CAMSAP1: variants seen among roughly 807,000 people sequenced by gnomAD.
CAMSAP1 encodes calmodulin-regulated spectrin-associated protein 1.
A neutral mutation model predicts 143.5 loss-of-function variants in CAMSAP1; 58 were observed. That is an observed-to-expected ratio of 0.40 (90% CI 0.33 to 0.50). The LOEUF (loss-of-function observed/expected upper bound fraction) is 0.50. Ranked by LOEUF, CAMSAP1 falls within the 20% of genes least tolerant of loss-of-function variation. The pLI is 0.45. For missense variants in CAMSAP1, 1,969 were observed against 2,115.7 expected (o/e 0.93, Z 1.36); for synonymous variants, 945 against 859.3 (o/e 1.10, Z -1.74).
At chr9:135,877,037 C>T (rs762290851) in intron 3 of CAMSAP1, among the ~76,000 whole-genome samples, 4 of 151,990 alleles carry the variant, frequency 2.6e-5, no homozygotes, top group Non-Finnish European at 5.9e-5. Context: ...AATATATCTG[C>T]ACACAAATGT....
At position 135,824,003 on chromosome 9, in the gene CAMSAP1, T is replaced by A. The variant is rs1430710835; in HGVS notation, c.1347A>T (p.Arg449=). 6 of 1,588,580 alleles carry A rather than the reference T, an allele frequency of 3.8e-6. No individual in the cohort carries two copies. The highest frequency in any genetic ancestry group is 5.1e-6 in the Non-Finnish European group (6 of 1,167,100). ...CTGCTCCTCGAGGCTGACCATCAAC[T>A]CGGGTCAAAGAATTCGATCGATGTC... ...DQRHRSNSLT[R]VDGQPRGAAI... is the part of the protein sequence containing the mutation. Residue 449 remains arginine (R), a synonymous_variant, in exon 10 of 17, where the codon CGA becomes CGT. Coordinates refer to ENST00000389532, the MANE Select transcript of CAMSAP1 (RefSeq NM_015447.4). The surrounding 1 kb of genome is among the most constrained non-coding windows in gnomAD (Gnocchi z 4.1).
In CAMSAP1 at chr9:135,824,227, A is replaced by G. The variant is rs1835591610; in HGVS notation, c.1316-193T>C. ...AACACACAGTTCAGAACTGTGAGAG[A>G]GCTTCAGCATGTGTGAGCCCTGCTT... On this transcript the variant is annotated intron_variant, in intron 9 of 16. Coordinates refer to ENST00000389532, the MANE Select transcript of CAMSAP1 (RefSeq NM_015447.4). This position sits in a 1 kb window ranked among gnomAD's most constrained non-coding sequence, Gnocchi z 4.1. Among the ~76,000 whole-genome samples, 1 of 152,180 alleles carries G rather than the reference A, an allele frequency of 6.6e-6. No homozygotes were observed. Among genetic ancestry groups the G allele is most frequent in the Non-Finnish European group, 1.5e-5 (1 of 68,048 alleles).
At chr9:135,881,503 A>C in intron 3 of CAMSAP1, 130 bp downstream of exon 3, 1 of 1,068,520 alleles carries the variant, frequency 9.4e-7, no homozygotes, top group Non-Finnish European at 1.4e-6. Flanking sequence ...ACATTTCTGG[A>C]CACAAAATAT....
intron 14 of CAMSAP1, among the ~76,000 whole-genome samples, chr9:135,816,702 A>C (rs994761801): frequency 2.6e-5 from 4 of 152,212 alleles, no homozygotes; most frequent in Non-Finnish European, 4.4e-5. Flanking sequence ...AGACGGGTGA[A>C]GAGACAAGAA....
chr9:135,812,744 G>A (rs931720407), intron 16 of CAMSAP1, among the ~76,000 whole-genome samples: 9 of 152,158 alleles, frequency 5.9e-5, no homozygotes, highest in Admixed American at 3.9e-4. Context: ...TGAGGTGGGC[G>A]AATCACTTGA....
chr9:135,875,430 C>T (rs542336768), intron 3 of CAMSAP1, among the ~76,000 whole-genome samples: 1 of 152,036 alleles, frequency 6.6e-6, no homozygotes, highest in South Asian at 2.1e-4. Context: ...AGGCTGGTCT[C>T]GAACTCCTGA....
chr9:135,896,586 A>T (rs1838462887), intron 1 of CAMSAP1, among the ~76,000 whole-genome samples: 1 of 152,236 alleles, frequency 6.6e-6, no homozygotes, highest in Non-Finnish European at 1.5e-5. Context: ...AATGCCCATG[A>T]AACATTCACT....
In CAMSAP1 at chr9:135,820,678, G is replaced by A. The variant is rs556002961; in HGVS notation, c.3822+161C>T. On this transcript the variant is annotated intron_variant, in intron 11 of 16. Transcript: ENST00000389532. The surrounding 1 kb of genome is among the most constrained non-coding windows in gnomAD (Gnocchi z 4.4). Reference sequence around the variant, plus strand: ...CTGCTTCTGGCCAAGTGGAGTCCTCGGGACAGAGACTCTGTGGCCCACAAA... The same window carrying A: ...CTGCTTCTGGCCAAGTGGAGTCCTCAGGACAGAGACTCTGTGGCCCACAAA... Among the ~76,000 whole-genome samples the A allele has an allele frequency of 1.3e-5, 2 of 152,278 alleles. No homozygotes were observed. The highest frequency in any genetic ancestry group is 1.9e-4 in the East Asian group (1 of 5,182).
At chr9:135,849,599 A>C (rs913797602) in intron 7 of CAMSAP1, among the ~76,000 whole-genome samples, 1 of 152,096 alleles carries the variant, frequency 6.6e-6, no homozygotes, top group Non-Finnish European at 1.5e-5. Flanking sequence ...TACCACATAC[A>C]TTGCAAGTAC....
intron 3 of CAMSAP1, among the ~76,000 whole-genome samples, chr9:135,877,557 C>T (rs77159713): frequency 0.02 from 3,039 of 151,026 alleles, 91 homozygotes; most frequent in African/African-American, 0.07. Context: ...TGTAATCCTA[C>T]CATTTTGGGA....
intron 14 of CAMSAP1, 29 bp downstream of exon 14, chr9:135,817,948 C>A: frequency 6.2e-7 from 1 of 1,602,240 alleles, no homozygotes; most frequent in African/African-American, 1.3e-5. Flanking sequence ...CCTCCAGCCC[C>A]GTGCCGGCGG....
In CAMSAP1 at chr9:135,850,214, A is replaced by G. The variant is rs1417521013; in HGVS notation, c.968T>C (p.Ile323Thr). Residue 323 changes from isoleucine to threonine, a missense_variant, in exon 7 of 17, where the codon ATT becomes ACT. This residue lies in a region of CAMSAP1 where 221 missense variants were observed against 298.2 expected (regional missense o/e 0.74). Coordinates refer to ENST00000389532, the MANE Select transcript of CAMSAP1 (RefSeq NM_015447.4). ...CTCGAACCACCAAAAAAGCTCCGCA[A>G]TAAAAACCATAACATTCGGCTAAAA... ...LVLKPNVMVFIAELFWWFENV... is the reference protein window; with the variant it reads ...LVLKPNVMVFTAELFWWFENV... 2 of 1,613,296 alleles carry G rather than the reference A, an allele frequency of 1.2e-6. No individual in the cohort carries two copies. Among genetic ancestry groups the G allele is most frequent in the Non-Finnish European group, 1.7e-6 (2 of 1,179,618 alleles).
intron 4 of CAMSAP1, among the ~76,000 whole-genome samples, chr9:135,864,906 T>C (rs538048693): frequency 3.6e-4 from 55 of 152,236 alleles, no homozygotes; most frequent in Non-Finnish European, 6.8e-4. Context: ...GTCCACCAGG[T>C]GCATCACCCG....
chr9:135,893,382 GAAGGA>G lies in CAMSAP1; in HGVS notation c.161-10309_161-10305del, dbSNP rs1293259605. ...AGGAAAGGCAGGAAGAAAGAAAAGA[GAAGGA>G]AAGGAAAGGAGAAAGGAAAAAAAGA... is the stretch of plus-strand genomic sequence containing the variant. On this transcript the variant is annotated intron_variant, in intron 1 of 16. Coordinates refer to ENST00000389532, the MANE Select transcript of CAMSAP1 (RefSeq NM_015447.4). Among the ~76,000 whole-genome samples the G allele has an allele frequency of 5.3e-5, 8 of 150,446 alleles. No homozygotes were observed. In the East Asian group the frequency reaches 5.8e-4, roughly 11 times the overall value.
chr9:135,875,613 T>G (rs1489513316), intron 3 of CAMSAP1, among the ~76,000 whole-genome samples: 2 of 152,236 alleles, frequency 1.3e-5, no homozygotes, highest in Non-Finnish European at 2.9e-5. Context: ...TGGAACCGAA[T>G]AGAATCCAGA....
intron 1 of CAMSAP1, 136 bp from the exon 2 acceptor site, chr9:135,883,214 T>A (rs149358284): frequency 2.1e-5 from 19 of 895,644 alleles, no homozygotes; most frequent in Admixed American, 5.7e-5. Flanking sequence ...TCAAAAAAAA[T>A]AATTGATTGA....
Position 135,824,827 on chromosome 9 carries a change from T to C in CAMSAP1, c.1277A>G (p.Gln426Arg), listed in dbSNP as rs1835615741. The change falls in exon 9 of 17, where the codon CAG becomes CGG. Residue 426 changes from glutamine (Q) to arginine (R), a missense_variant. Physicochemically the swap from Gln to Arg is conservative, Grantham distance 43 (BLOSUM62 1). Transcript: ENST00000389532. The surrounding 1 kb of genome is among the most constrained non-coding windows in gnomAD (Gnocchi z 4.1). ...SPSHPLLPLR[Q>R]KQQKSIQGED... ...TCCCTGTATGGATTTCTGCTGTTTC[T>C]GTCTCAGTGGCAATAAAGGATGGGA... 1.2e-6 allele frequency: 2 copies of C among 1,604,106 alleles called. No homozygotes were observed. The highest frequency in any genetic ancestry group is 1.7e-6 in the Non-Finnish European group (2 of 1,175,430).
chr9:135,882,003 G>A lies in CAMSAP1; in HGVS notation c.424-209C>T, dbSNP rs1180568366. Among the ~76,000 whole-genome samples, 2 of 152,220 alleles carry A rather than the reference G, an allele frequency of 1.3e-5. No individual in the cohort carries two copies. The highest frequency in any genetic ancestry group is 1.5e-5 in the Non-Finnish European group (1 of 68,044). On this transcript the variant is annotated intron_variant, in intron 2 of 16. Transcript: ENST00000389532. The surrounding 1 kb of genome is among the most constrained non-coding windows in gnomAD (Gnocchi z 4.9). The stretch of plus-strand genomic sequence containing the variant: ...TTCTGGTCAAGCCTCAAGACCGTCT[G>A]GAACCAGGAGTCCGTTCTCAGGCAG...
At position 135,821,762 on chromosome 9, in the gene CAMSAP1, G is replaced by C; in HGVS notation, c.2899C>G (p.Leu967Val). 2 of 1,613,956 alleles carry C rather than the reference G, an allele frequency of 1.2e-6. No homozygotes were observed. Reference sequence around the variant, plus strand: ...TCCACATCCTGTGGCTCGTGAAGGAGCTCCTCTCTCTGCTCCTCCTTCACG... The same window carrying C: ...TCCACATCCTGTGGCTCGTGAAGGACCTCCTCTCTCTGCTCCTCCTTCACG... Reference protein sequence around the residue: ...FLVKEEQREELLHEPQDVDKE... With the variant: ...FLVKEEQREEVLHEPQDVDKE... Residue 967 changes from leucine to valine, a missense_variant, in exon 11 of 17, where the codon CTC becomes GTC. Transcript: ENST00000389532. The surrounding 1 kb of genome is among the most constrained non-coding windows in gnomAD (Gnocchi z 4.6).
Sources: allele counts gnomAD v4.1 joint callset (sites outside exome capture counted in the v4.1 genomes callset), GRCh38; gene constraint gnomAD v4.1.1; regional missense constraint gnomAD v4.1.1; non-coding constraint Gnocchi (gnomAD v3.1); transcripts MANE v1.5; gene names NCBI Gene and HGNC (gene_info 2026-07-23, HGNC 2026-07-21).